Variants in IGF1R observed in about 807,000 individuals in gnomAD.
The protein encoded by IGF1R is insulin-like growth factor 1 receptor.
IGF1R carries 44 observed loss-of-function variants against 144.6 expected under a neutral mutation model. That is an observed-to-expected ratio of 0.30 (90% CI 0.24 to 0.39). The LOEUF (loss-of-function observed/expected upper bound fraction) is 0.39, where lower values mean the gene tolerates loss of function less well. Ranked by LOEUF, IGF1R falls within the 10% of genes least tolerant of loss-of-function variation. The pLI, the probability that IGF1R is intolerant of heterozygous loss-of-function variation, is 1.00. For synonymous variants in IGF1R, 795 were observed against 722.8 expected (o/e 1.10, Z -1.60); for missense variants, 1,355 against 1,833.7 (o/e 0.74, Z 4.77).
intron 2 of IGF1R, among the ~76,000 whole-genome samples, chr15:98,740,982 G>A (rs1291929399): frequency 6.6e-6 from 1 of 152,186 alleles, no homozygotes; most frequent in Non-Finnish European, 1.5e-5. Flanking sequence ...TCAGTTGAGT[G>A]TATTTGTGGT....
rs71149408 is a variant in IGF1R, at chr15:98,674,977, A to ATTTTTTTTTTTTTTT, written c.94+25312_94+25326dup. ...AAATGCTAAATTTAGGTATTTTACA[A>ATTTTTTTTTTTTTTT]TTTTTTTTTTTTTTTTTTTTTTTTG... is the stretch of plus-strand genomic sequence containing the variant. On this transcript the variant is annotated intron_variant, in intron 1 of 20. Coordinates refer to ENST00000650285, the MANE Select transcript of IGF1R (RefSeq NM_000875.5). Among the ~76,000 whole-genome samples, 81 of 98,904 alleles carry ATTTTTTTTTTTTTTT rather than the reference A, an allele frequency of 8.2e-4. 4 individuals are homozygous for ATTTTTTTTTTTTTTT. The highest frequency in any genetic ancestry group is 3.1e-3 in the African/African-American group (74 of 23,980). 64.9% of individuals were successfully genotyped at this position (98,904 alleles called of 152,430 possible).
intron 2 of IGF1R, among the ~76,000 whole-genome samples, chr15:98,746,409 C>G (rs2137683): frequency 0.53 from 81,025 of 152,002 alleles, 22,826 homozygotes; most frequent in Non-Finnish European, 0.62. Flanking sequence ...GGCATTCTTG[C>G]AGACTTGCCG....
intron 2 of IGF1R, among the ~76,000 whole-genome samples, chr15:98,722,189 C>T (rs2054261698): frequency 6.6e-6 from 1 of 152,116 alleles, no homozygotes; most frequent in Non-Finnish European, 1.5e-5. Context: ...GATAAAAACA[C>T]TTGACATTTA....
At chr15:98,888,675 T>C (rs1312854994) in intron 2 of IGF1R, among the ~76,000 whole-genome samples, 4 of 152,178 alleles carry the variant, frequency 2.6e-5, no homozygotes, top group Non-Finnish European at 4.4e-5. Context: ...CCAATCCTTA[T>C]CAACAAAATG....
chr15:98,908,231 C>A (rs755059310), intron 5 of IGF1R, among the ~76,000 whole-genome samples: 4 of 152,232 alleles, frequency 2.6e-5, no homozygotes, highest in Non-Finnish European at 5.9e-5. Context: ...CCTATCCCAT[C>A]ATGCTGCTGA....
In IGF1R at chr15:98,747,093, A is replaced by G. The variant is rs2054886864; in HGVS notation, c.640+38986A>G. 2.0e-5 allele frequency among the ~76,000 whole-genome samples: 3 copies of G among 152,214 alleles called. No homozygotes were observed. In the South Asian group the frequency reaches 6.2e-4, roughly 32 times the overall value. On this transcript the variant is annotated intron_variant, in intron 2 of 20. Coordinates refer to ENST00000650285, the MANE Select transcript of IGF1R (RefSeq NM_000875.5). ...CAGGAGAAAATGTAAGTGCAGTGTAATGTAAAATCAAGCCGGCAACTCCAG... is the reference window on the plus strand; with the variant it reads ...CAGGAGAAAATGTAAGTGCAGTGTAGTGTAAAATCAAGCCGGCAACTCCAG...
intron 2 of IGF1R, among the ~76,000 whole-genome samples, chr15:98,808,635 G>C (rs1362802733): frequency 6.6e-6 from 1 of 151,776 alleles, no homozygotes; most frequent in Non-Finnish European, 1.5e-5. Flanking sequence ...GTGGAACCTA[G>C]GTCCTCGCAG....
At chr15:98,775,733 C>T (rs1042138626) in intron 2 of IGF1R, among the ~76,000 whole-genome samples, 2 of 152,182 alleles carry the variant, frequency 1.3e-5, no homozygotes, top group Non-Finnish European at 2.9e-5. Context: ...GGTCAGAATC[C>T]CCTGGGTTGC....
intron 2 of IGF1R, among the ~76,000 whole-genome samples, chr15:98,847,151 A>G (rs1306632190): frequency 6.6e-6 from 1 of 152,034 alleles, no homozygotes; most frequent in Non-Finnish European, 1.5e-5. Context: ...TATTATTTGC[A>G]TTTTTAGTAA....
chr15:98,863,008 CT>C (rs1439138894), intron 2 of IGF1R, among the ~76,000 whole-genome samples: 1 of 152,202 alleles, frequency 6.6e-6, no homozygotes, highest in African/African-American at 2.4e-5. Flanking sequence ...ACTGATGTCC[CT>C]TTTTTTGGTT....
chr15:98,852,304 G>T (rs1025253466), intron 2 of IGF1R, among the ~76,000 whole-genome samples: 4 of 152,104 alleles, frequency 2.6e-5, no homozygotes, highest in Non-Finnish European at 4.4e-5. Flanking sequence ...TGGCGCGCGC[G>T]CCCCACCCCG....
At chr15:98,779,543 C>T (rs56000357) in intron 2 of IGF1R, among the ~76,000 whole-genome samples, 63,603 of 152,056 alleles carry the variant, frequency 0.42, 14,480 homozygotes, top group Non-Finnish European at 0.49. Flanking sequence ...CAGGTTACAC[C>T]GTCAGCGGTT....
At chr15:98,736,352 G>A (rs928108574) in intron 2 of IGF1R, among the ~76,000 whole-genome samples, 1 of 152,172 alleles carries the variant, frequency 6.6e-6, no homozygotes, top group African/African-American at 2.4e-5. Context: ...TGTCCTAAAA[G>A]CTTGGATAAT....
chr15:98,706,525 T>A (rs2053865422), intron 1 of IGF1R, among the ~76,000 whole-genome samples: 1 of 152,114 alleles, frequency 6.6e-6, no homozygotes, highest in African/African-American at 2.4e-5. Context: ...TAATGTTCAC[T>A]GGAGTGTTGT....
chr15:98,831,438 C>G (rs1382535606), intron 2 of IGF1R, among the ~76,000 whole-genome samples: 4 of 152,216 alleles, frequency 2.6e-5, no homozygotes, highest in African/African-American at 9.7e-5. Flanking sequence ...TGTGTGACAT[C>G]TTCACCCTCT....
chr15:98,656,198 A>C (rs2141168999), intron 1 of IGF1R, among the ~76,000 whole-genome samples: 1 of 152,330 alleles, frequency 6.6e-6, no homozygotes, highest in South Asian at 2.1e-4. Context: ...CACATGGGGA[A>C]GATGTGCACA....
chr15:98,664,690 C>CAAA (rs573877268), intron 1 of IGF1R, among the ~76,000 whole-genome samples: 7,457 of 69,456 alleles, frequency 0.11, 588 homozygotes, highest in Middle Eastern at 0.18. Context: ...GACTCCATGT[C>CAAA]AAAAAAAAAA....
chr15:98,724,579 C>A (rs1304233380), intron 2 of IGF1R, among the ~76,000 whole-genome samples: 7 of 152,226 alleles, frequency 4.6e-5, no homozygotes, highest in African/African-American at 1.7e-4. Flanking sequence ...GACACGTTGT[C>A]ATTTTTTCTT....
intron 2 of IGF1R, among the ~76,000 whole-genome samples, chr15:98,784,215 G>A (rs190825906): frequency 3.9e-5 from 6 of 152,020 alleles, no homozygotes; most frequent in East Asian, 3.9e-4. Context: ...GATTACAGGC[G>A]TGAGCCACCG....
Sources: allele counts gnomAD v4.1 joint callset (sites outside exome capture counted in the v4.1 genomes callset), GRCh38; gene constraint gnomAD v4.1.1; transcripts MANE v1.5; gene names NCBI Gene and HGNC (gene_info 2026-07-23, HGNC 2026-07-21).